Variants in LINGO2 observed in about 807,000 individuals in gnomAD.
The protein encoded by LINGO2 is leucine-rich repeat and immunoglobulin-like domain-containing nogo receptor-interacting protein 2.
LINGO2 carries 14 observed loss-of-function variants against 30.6 expected under a neutral mutation model. The observed-to-expected ratio is 0.46, with a 90% CI of 0.30 to 0.72. LINGO2 has a LOEUF of 0.72. Ranked by LOEUF, LINGO2 falls within the 30% of genes least tolerant of loss-of-function variation. LINGO2 has a pLI of 0.07. For missense variants in LINGO2, 729 were observed against 751.7 expected (o/e 0.97, Z 0.35); for synonymous variants, 317 against 288.5 (o/e 1.10, Z -1.00).
intron 1 of LINGO2, among the ~76,000 whole-genome samples, chr9:28,495,516 C>A (rs554412248): frequency 2.0e-5 from 3 of 152,158 alleles, no homozygotes; most frequent in African/African-American, 7.2e-5. Flanking sequence ...TGTCAAAGAT[C>A]AGATGGTTGT....
At chr9:29,047,087 GCTATCAA>G in the LINGO2 span, among the ~76,000 whole-genome samples, 2 of 124,762 alleles carry the variant, frequency 1.6e-5, no homozygotes, top group Non-Finnish European at 3.5e-5. Flanking sequence ...AACCAAAGGA[GCTATCAA>G]CAGAGTAAAC....
At chr9:28,249,663 G>T (rs1307091693) in intron 4 of LINGO2, among the ~76,000 whole-genome samples, 2 of 152,178 alleles carry the variant, frequency 1.3e-5, no homozygotes, top group East Asian at 3.9e-4. Context: ...AGTTTTATTG[G>T]AGAAAATTTT....
At chr9:28,990,626 C>G in the LINGO2 span, among the ~76,000 whole-genome samples, 1 of 152,144 alleles carries the variant, frequency 6.6e-6, no homozygotes, top group African/African-American at 2.4e-5. Context: ...CAGACTGACA[C>G]CTCACACGGC....
chr9:27,957,355 G>A (rs972983193), intron 5 of LINGO2, among the ~76,000 whole-genome samples: 10 of 152,028 alleles, frequency 6.6e-5, no homozygotes, highest in Non-Finnish European at 1.3e-4. Context: ...GTGAGGTGGC[G>A]CAATCTTGGC....
At chr9:28,639,590 C>T (rs534233755) in intron 1 of LINGO2, among the ~76,000 whole-genome samples, 1 of 152,184 alleles carries the variant, frequency 6.6e-6, no homozygotes, top group Non-Finnish European at 1.5e-5. Context: ...TTCTTTGTCT[C>T]TTTTGATCTT....
intron 1 of LINGO2, among the ~76,000 whole-genome samples, chr9:28,478,950 T>A (rs1238090423): frequency 6.6e-6 from 1 of 152,064 alleles, no homozygotes. Context: ...TCTGATTCCT[T>A]TTACAGTATA....
rs1353423825 is a variant in LINGO2, at chr9:28,352,088, C to T, written c.-246+20748G>A. Among the ~76,000 whole-genome samples the T allele has an allele frequency of 2.7e-5, 4 of 149,488 alleles. No individual in the cohort carries two copies. The East Asian group carries it at 8.1e-4, about 30-fold the overall frequency. ...TGGAAGCATTCCCTTTGAAAACTGGCACAAGACAGGGATGCCCTCTCTCAC... is the reference window on the plus strand; with the variant it reads ...TGGAAGCATTCCCTTTGAAAACTGGTACAAGACAGGGATGCCCTCTCTCAC... On this transcript the variant is annotated intron_variant, in intron 3 of 5. Coordinates refer to ENST00000379992, the Ensembl canonical transcript of LINGO2.
At chr9:28,705,717 C>T in the LINGO2 span, among the ~76,000 whole-genome samples, 1 of 152,080 alleles carries the variant, frequency 6.6e-6, no homozygotes, top group Non-Finnish European at 1.5e-5. Context: ...AATGTCCTCG[C>T]TGGACTATTT....
the LINGO2 span, among the ~76,000 whole-genome samples, chr9:28,766,415 G>T: frequency 2.7e-5 from 4 of 149,714 alleles, no homozygotes; most frequent in African/African-American, 9.8e-5. Context: ...CCACCTGATA[G>T]AATGGCTATT....
the LINGO2 span, among the ~76,000 whole-genome samples, chr9:28,858,815 T>C: frequency 2.0e-5 from 3 of 152,048 alleles, no homozygotes; most frequent in Non-Finnish European, 4.4e-5. Context: ...TAAAAAAGAA[T>C]TGAATGGGAA....
intron 4 of LINGO2, among the ~76,000 whole-genome samples, chr9:28,167,593 G>T (rs148677260): frequency 1.0e-3 from 158 of 152,280 alleles, no homozygotes; most frequent in Non-Finnish European, 2.1e-3. Context: ...TGCCACGTTG[G>T]CCAGGCTGGC....
At chr9:28,351,377 T>C (rs867129271) in intron 3 of LINGO2, among the ~76,000 whole-genome samples, 14,682 of 146,588 alleles carry the variant, frequency 0.1, 956 homozygotes, top group Admixed American at 0.15. Flanking sequence ...AACACCTCTA[T>C]GCAAATAAAC....
At chr9:29,171,951 A>G in the LINGO2 span, among the ~76,000 whole-genome samples, 19 of 152,012 alleles carry the variant, frequency 1.2e-4, no homozygotes, top group African/African-American at 3.6e-4. Flanking sequence ...TAAACATACA[A>G]AAGTATAAGC....
chr9:28,533,669 T>A (rs953097572), intron 1 of LINGO2, among the ~76,000 whole-genome samples: 2 of 152,160 alleles, frequency 1.3e-5, no homozygotes, highest in Non-Finnish European at 2.9e-5. Flanking sequence ...CACAGGGTTG[T>A]GCCCTTGAAG....
At chr9:28,828,044 G>T in the LINGO2 span, among the ~76,000 whole-genome samples, 4 of 151,816 alleles carry the variant, frequency 2.6e-5, no homozygotes, top group African/African-American at 9.7e-5. Context: ...TGGGGAAGGG[G>T]CCGGAGACTT....
At chr9:28,427,028 G>T (rs10114788) in intron 2 of LINGO2, among the ~76,000 whole-genome samples, 19,276 of 151,924 alleles carry the variant, frequency 0.13, 1,418 homozygotes, top group East Asian at 0.24. Flanking sequence ...GCATATAGAG[G>T]CATTTTAGAA....
the LINGO2 span, among the ~76,000 whole-genome samples, chr9:29,137,636 A>G: frequency 1.3e-5 from 2 of 152,176 alleles, no homozygotes; most frequent in African/African-American, 4.8e-5. Flanking sequence ...ATAATAAAAG[A>G]CTTAAGGGCA....
chr9:28,327,622 G>GT (rs1196469728), intron 3 of LINGO2, among the ~76,000 whole-genome samples: 1 of 152,078 alleles, frequency 6.6e-6, no homozygotes, highest in Non-Finnish European at 1.5e-5. Context: ...AATTTTGTTT[G>GT]TTTTTCAAAA....
intron 1 of LINGO2, among the ~76,000 whole-genome samples, chr9:28,658,421 A>T (rs1320037919): frequency 6.6e-6 from 1 of 151,730 alleles, no homozygotes; most frequent in Non-Finnish European, 1.5e-5. Flanking sequence ...AGTAGCTCTG[A>T]TGTTTGCTGC....
Sources: gnomAD v4.1 joint callset for allele counts (sites outside exome capture counted in the v4.1 genomes callset) on GRCh38, gnomAD v4.1.1 for gene constraint, MANE v1.5 for transcripts, NCBI Gene and HGNC (gene_info 2026-07-23, HGNC 2026-07-21) for gene names.